The following CAB39L variants were observed in gnomAD, a reference collection of about 807,000 sequenced individuals.
The protein encoded by CAB39L is calcium binding protein 39 like, also known as calcium-binding protein 39-like.
CAB39L carries 23 observed loss-of-function variants against 39.1 expected under a neutral mutation model. The ratio of observed to expected loss-of-function variants is 0.59; its 90% CI spans 0.42 to 0.83. The LOEUF is 0.83. CAB39L is among the 40% of genes least tolerant of loss of function. The probability of loss-of-function intolerance (pLI) is 0.00; values close to 1 mark genes in which losing one functional copy is unlikely to be tolerated. For missense variants in CAB39L, 366 were observed against 391.9 expected (o/e 0.93, Z 0.56); for synonymous variants, 126 against 137.2 (o/e 0.92, Z 0.57).
Position 49,310,701 on chromosome 13 carries a change from C to T in CAB39L, c.*113G>A. ...CTCCATCTACCCAGAACAATTACAGCAGAAAAAATAGGCACCTCCAAAGTC... is the reference window on the plus strand; with the variant it reads ...CTCCATCTACCCAGAACAATTACAGTAGAAAAAATAGGCACCTCCAAAGTC... On this transcript the variant is annotated 3_prime_UTR_variant, in exon 11 of 11. Transcript: ENST00000409308. The T allele has an allele frequency of 9.7e-7, 1 of 1,034,168 alleles. No homozygotes were observed. The highest frequency in any genetic ancestry group is 1.4e-6 in the Non-Finnish European group (1 of 706,708). 64.1% of individuals were successfully genotyped at this position (1,034,168 alleles called of 1,614,324 possible). A position where few individuals can be genotyped will look rare whatever the true frequency, so the allele number is the denominator to read the frequency against.
At chr13:49,426,571 C>T (rs916450542) in intron 3 of CAB39L, among the ~76,000 whole-genome samples, 2 of 152,184 alleles carry the variant, frequency 1.3e-5, no homozygotes, top group South Asian at 2.1e-4. Flanking sequence ...GGACTACAGG[C>T]GCCTGCCACC....
intron 3 of CAB39L, among the ~76,000 whole-genome samples, chr13:49,390,066 A>G (rs551060892): frequency 1.3e-5 from 2 of 152,032 alleles, no homozygotes; most frequent in South Asian, 4.2e-4. Context: ...TTTTAATTTT[A>G]TGTAGAGACA....
intron 3 of CAB39L, among the ~76,000 whole-genome samples, chr13:49,424,589 G>T (rs74679483): frequency 1.1e-3 from 168 of 152,300 alleles, no homozygotes; most frequent in African/African-American, 3.8e-3. Flanking sequence ...ATCAGTATTA[G>T]TTCATTAATT....
At chr13:49,325,961 G>C (rs971574191) in intron 10 of CAB39L, among the ~76,000 whole-genome samples, 1 of 152,128 alleles carries the variant, frequency 6.6e-6, no homozygotes, top group African/African-American at 2.4e-5. Flanking sequence ...CTGTCAAGCC[G>C]ACTTTTATAT....
At chr13:49,411,086 T>C (rs570127222) in intron 3 of CAB39L, among the ~76,000 whole-genome samples, 2 of 152,290 alleles carry the variant, frequency 1.3e-5, no homozygotes, top group East Asian at 3.9e-4. Flanking sequence ...ATTAAAAAAG[T>C]ATTTTTTATT....
intron 3 of CAB39L, among the ~76,000 whole-genome samples, chr13:49,410,852 T>C (rs965673953): frequency 2.6e-5 from 4 of 152,132 alleles, no homozygotes; most frequent in African/African-American, 7.2e-5. Context: ...GTTCCATTTA[T>C]AAAACATATT....
At chr13:49,415,393 C>T (rs1459402043) in intron 3 of CAB39L, among the ~76,000 whole-genome samples, 1 of 150,516 alleles carries the variant, frequency 6.6e-6, no homozygotes, top group East Asian at 2.0e-4. Context: ...TGGTGGTACA[C>T]ACCTGTAATC....
At chr13:49,330,731 A>G (rs1476220004) in intron 10 of CAB39L, among the ~76,000 whole-genome samples, 2 of 150,874 alleles carry the variant, frequency 1.3e-5, no homozygotes, top group Non-Finnish European at 3.0e-5. Flanking sequence ...AAAAGAACCA[A>G]AAAAATCTGG....
intron 5 of CAB39L, among the ~76,000 whole-genome samples, chr13:49,366,764 C>T (rs1955785093): frequency 6.6e-6 from 1 of 151,950 alleles, no homozygotes; most frequent in Admixed American, 6.6e-5. Context: ...ACATGTAATC[C>T]CAGCACTTTA....
chr13:49,418,746 G>A (rs950084864), intron 3 of CAB39L, among the ~76,000 whole-genome samples: 1 of 151,924 alleles, frequency 6.6e-6, no homozygotes, highest in Non-Finnish European at 1.5e-5. Context: ...TTTTAGTACA[G>A]CCCGGGGTTT....
intron 10 of CAB39L, 40 bp from the exon 11 acceptor site, chr13:49,311,033 G>A (rs375342661): frequency 5.0e-6 from 8 of 1,591,230 alleles, no homozygotes; most frequent in Non-Finnish European, 6.9e-6. Context: ...GTGCAAGCCA[G>A]GGACCTCACC....
At chr13:49,414,890 G>T (rs1315912984) in intron 3 of CAB39L, among the ~76,000 whole-genome samples, 1 of 151,928 alleles carries the variant, frequency 6.6e-6, no homozygotes, top group Non-Finnish European at 1.5e-5. Flanking sequence ...CATTAAGTAG[G>T]CATTAAAAAA....
chr13:49,439,329 A>C (rs1036451906), intron 1 of CAB39L, among the ~76,000 whole-genome samples: 1 of 152,204 alleles, frequency 6.6e-6, no homozygotes, highest in South Asian at 2.1e-4. Context: ...TTGGGGGTAC[A>C]TGTGCAGATT....
chr13:49,367,504 T>G (rs1322088800), intron 5 of CAB39L, among the ~76,000 whole-genome samples: 1 of 152,244 alleles, frequency 6.6e-6, no homozygotes, highest in East Asian at 1.9e-4. Flanking sequence ...GCAATTGCGC[T>G]CTTGGCATCT....
chr13:49,437,931 C>T (rs920988872), intron 1 of CAB39L, among the ~76,000 whole-genome samples: 5 of 152,078 alleles, frequency 3.3e-5, no homozygotes, highest in Admixed American at 6.6e-5. Flanking sequence ...AGAGATCCTC[C>T]GACCTCTCTC....
At position 49,331,987 on chromosome 13, in the gene CAB39L, T is replaced by C; in HGVS notation, c.794A>G (p.Lys265Arg). ...GGCTTCAAACTGGATGTTGGGACTT[T>C]TATCCCGAAGGAGGTTCATCATGAG... Reference protein sequence around the residue: ...LKLMMNLLRDKSPNIQFEAFH... With the variant: ...LKLMMNLLRDRSPNIQFEAFH... Residue 265 changes from lysine to arginine, a missense_variant, in exon 10 of 11, where the codon AAA becomes AGA. By Grantham distance (26) the Lys-to-Arg change is conservative. Transcript: ENST00000409308. 6.2e-7 allele frequency: 1 copy of C among 1,614,166 alleles called. No homozygotes were observed. The highest frequency in any genetic ancestry group is 8.5e-7 in the Non-Finnish European group (1 of 1,180,006).
At chr13:49,434,448 T>C (rs73491212) in intron 1 of CAB39L, among the ~76,000 whole-genome samples, 2,857 of 152,324 alleles carry the variant, frequency 0.019, 86 homozygotes, top group African/African-American at 0.066. Flanking sequence ...AACTCTATTA[T>C]GTTAGCTTTC....
At chr13:49,328,989 G>A (rs1954586808) in intron 10 of CAB39L, among the ~76,000 whole-genome samples, 1 of 152,020 alleles carries the variant, frequency 6.6e-6, no homozygotes, top group African/African-American at 2.4e-5. Flanking sequence ...TTATTTCTGT[G>A]TATACTGCAG....
intron 10 of CAB39L, among the ~76,000 whole-genome samples, chr13:49,322,134 G>C (rs1954365801): frequency 1.3e-5 from 2 of 152,042 alleles, no homozygotes; most frequent in African/African-American, 4.8e-5. Context: ...CCCATTAGCA[G>C]TCGCCCGCCC....
Sources: allele counts gnomAD v4.1 joint callset (sites outside exome capture counted in the v4.1 genomes callset), GRCh38; gene constraint gnomAD v4.1.1; transcripts MANE v1.5; gene names NCBI Gene and HGNC (gene_info 2026-07-23, HGNC 2026-07-21).